The following EP400 variants were observed in gnomAD, a reference collection of about 807,000 sequenced individuals.
EP400 encodes the protein E1A-binding protein p400.
A neutral mutation model predicts 354.1 loss-of-function variants in EP400; 105 were observed. That is an observed-to-expected ratio of 0.30 (90% CI 0.25 to 0.35). EP400 has a LOEUF of 0.35. EP400 is among the 10% of genes least tolerant of loss of function. The pLI is 1.00. For synonymous variants in EP400, 1,646 were observed against 1,716.9 expected, an observed-to-expected ratio of 0.96 and a Z score of 1.02; for missense variants, 3,280 against 4,121.0, an observed-to-expected ratio of 0.80 and a Z score of 5.59.
chr12:132,064,415 T>C (rs1593385427), intron 47 of EP400, among the ~76,000 whole-genome samples: 1 of 152,372 alleles, frequency 6.6e-6, no homozygotes, highest in East Asian at 1.9e-4. Context: ...GTGAGGATAA[T>C]AGAATTCTTT....
chr12:131,978,585 C>T (rs1028208187), intron 2 of EP400, among the ~76,000 whole-genome samples: 2 of 152,078 alleles, frequency 1.3e-5, no homozygotes, highest in Non-Finnish European at 2.9e-5. Flanking sequence ...TGCAGTGGCA[C>T]AGTCCTAGAT....
Position 131,981,557 on chromosome 12 carries a change from G to A in EP400, c.1504G>A (p.Ala502Thr), listed in dbSNP as rs1421080400. 2.5e-6 allele frequency: 4 copies of A among 1,602,270 alleles called. No individual in the cohort carries two copies. Among genetic ancestry groups the A allele is most frequent in the East Asian group, 2.2e-5 (1 of 44,584 alleles). The change falls in exon 4 of 53, where the codon GCA becomes ACA. Residue 502 changes from alanine to threonine, a missense_variant. Physicochemically the swap from Ala to Thr is moderately conservative, Grantham distance 58. Around this residue, in one of 20 missense-constraint regions of EP400, gnomAD observed 800 missense variants for 840.0 expected, o/e 0.95. Coordinates refer to ENST00000389561, the MANE Select transcript of EP400 (RefSeq NM_015409.5). The part of the protein sequence containing the change: ...GVVFQHPGAD[A>T]GVPLQQLMPT... ...AGTTTTCCAGCACCCAGGGGCGGAC[G>A]CAGGCGTTCCTCTCCAGCAACTAAT...
intron 2 of EP400, among the ~76,000 whole-genome samples, chr12:131,978,365 T>C (rs1200170990): frequency 6.6e-6 from 1 of 152,230 alleles, no homozygotes; most frequent in East Asian, 1.9e-4. Flanking sequence ...TTCACCGCCC[T>C]AGAAATGTCC....
intron 1 of EP400, among the ~76,000 whole-genome samples, chr12:131,956,999 G>A (rs1272757899): frequency 6.7e-6 from 1 of 149,366 alleles, no homozygotes; most frequent in Non-Finnish European, 1.5e-5. Context: ...AGCCTCCCAA[G>A]TAGCTGGGAT....
At chr12:132,022,280 G>A (rs1894145118) in intron 23 of EP400, among the ~76,000 whole-genome samples, 2 of 152,212 alleles carry the variant, frequency 1.3e-5, no homozygotes, top group South Asian at 4.1e-4. Flanking sequence ...TGTGAAGTGA[G>A]CAAAACTGCT....
chr12:132,069,638 C>T lies in EP400; in HGVS notation c.9018C>T (p.Ile3006=), dbSNP rs1896010565. ...LAGAQQVQTQ[I]QVAKLPQVVQ... is the part of the protein sequence containing the mutation. ...GGGCCCAGCAAGTGCAGACCCAGAT[C>T]CAGGTGAGCGGGGAACAGGGTGAGG... is the stretch of plus-strand genomic sequence containing the variant. Residue 3006 remains isoleucine (I), a synonymous_variant, in exon 51 of 53, where the codon ATC becomes ATT. Transcript: ENST00000389561. The T allele has an allele frequency of 1.2e-6, 2 of 1,614,148 alleles. No individual in the cohort carries two copies. The highest frequency in any genetic ancestry group is 2.2e-5 in the South Asian group (2 of 91,080).
intron 2 of EP400, among the ~76,000 whole-genome samples, chr12:131,964,258 GGAATTCGA>G (rs1892000073): frequency 6.6e-6 from 1 of 152,306 alleles, no homozygotes; most frequent in South Asian, 2.1e-4. Context: ...CCTGAGGTCA[GGAATTCGA>G]GACCAGCCTA....
At chr12:132,008,347 G>C (rs1257744926) in intron 15 of EP400, among the ~76,000 whole-genome samples, 1 of 152,130 alleles carries the variant, frequency 6.6e-6, no homozygotes, top group African/African-American at 2.4e-5. Flanking sequence ...TGAAAAACTC[G>C]GTGCATCTCA....
In EP400 at chr12:132,070,138, T is replaced by C. The variant is rs923731489; in HGVS notation, c.9021+497T>C. On this transcript the variant is annotated intron_variant, in intron 51 of 52. Coordinates refer to ENST00000389561, the MANE Select transcript of EP400 (RefSeq NM_015409.5). The surrounding 1 kb of genome is among the most constrained non-coding windows in gnomAD (Gnocchi z 4.1). ...TTATGGAGTTACCTCCCTGCATCCT[T>C]CTCTAAGAGCGGGGGAGTGGTACCT... Among the ~76,000 whole-genome samples, 2 of 152,056 alleles carry C rather than the reference T, an allele frequency of 1.3e-5. No individual in the cohort carries two copies. The highest frequency in any genetic ancestry group is 2.4e-5 in the African/African-American group (1 of 41,388).
At chr12:132,071,673 TGGGTCGGG>T in intron 51 of EP400, among the ~76,000 whole-genome samples, 1 of 152,104 alleles carries the variant, frequency 6.6e-6, no homozygotes, top group Admixed American at 6.6e-5. Flanking sequence ...GTTGTGTGGG[TGGGTCGGG>T]GGTGTGGGGG....
intron 45 of EP400, among the ~76,000 whole-genome samples, chr12:132,055,815 CG>C (rs1895489936): frequency 6.6e-6 from 1 of 151,388 alleles, no homozygotes; most frequent in African/African-American, 2.4e-5. Context: ...AGGAGGTAGG[CG>C]GGATGTGAGG....
intron 2 of EP400, among the ~76,000 whole-genome samples, chr12:131,979,060 CA>C (rs1214558099): frequency 6.6e-6 from 1 of 151,594 alleles, no homozygotes; most frequent in African/African-American, 2.4e-5. Flanking sequence ...ACTAAAAATT[CA>C]AAAAAACTAG....
chr12:132,036,615 C>T (rs1216944900), intron 30 of EP400, among the ~76,000 whole-genome samples: 1 of 152,280 alleles, frequency 6.6e-6, no homozygotes, highest in East Asian at 1.9e-4. Flanking sequence ...CGTGCAGCAG[C>T]ACCTTCTTGT....
At position 132,062,424 on chromosome 12, in the gene EP400, C is replaced by T. The variant is rs756675009; in HGVS notation, c.8099-42C>T. 8 of 1,610,040 alleles carry T rather than the reference C, an allele frequency of 5.0e-6. No individual in the cohort carries two copies. The South Asian group carries it at 5.5e-5, about 11-fold the overall frequency. ...CTGAGAATGAGGATCTGAAGGTGGG[C>T]GAGTATCCCTGTCCAGACCTAATGA... is the stretch of plus-strand genomic sequence containing the variant. On this transcript the variant is annotated intron_variant, in intron 46 of 52. Transcript: ENST00000389561.
chr12:132,024,894 TC>T (rs1297908887), intron 24 of EP400, among the ~76,000 whole-genome samples: 1 of 151,610 alleles, frequency 6.6e-6, no homozygotes, highest in Non-Finnish European at 1.5e-5. Flanking sequence ...GCGACTGCCT[TC>T]CCCCAGTGCT....
rs544185142 is a variant in EP400 at position 132,067,498 on chromosome 12, A to G, written c.8874+12A>G. 355 of 1,610,232 alleles carry G rather than the reference A, an allele frequency of 2.2e-4. 2 individuals are homozygous for G. The South Asian group carries it at 3.7e-3, about 17-fold the overall frequency. ...CCGTCCAGCAGAAGGTACCGGGGCT[A>G]GGGGATTCTCACTTCTGGGTCTATG... On this transcript the variant is annotated intron_variant, in intron 50 of 52. Transcript: ENST00000389561. This position sits in a 1 kb window ranked among gnomAD's most constrained non-coding sequence, Gnocchi z 5.3.
chr12:132,058,609 C>A (rs1463200498), intron 45 of EP400, among the ~76,000 whole-genome samples: 1 of 152,018 alleles, frequency 6.6e-6, no homozygotes, highest in African/African-American at 2.4e-5. Flanking sequence ...CTCAGCCTCC[C>A]AAAGTGCTGG....
At chr12:131,965,843 AGTTT>A (rs1374718280) in intron 2 of EP400, among the ~76,000 whole-genome samples, 2 of 152,192 alleles carry the variant, frequency 1.3e-5, no homozygotes, top group East Asian at 3.9e-4. Flanking sequence ...AATGTGCCCC[AGTTT>A]GTTTATCCAT....
At position 132,078,605 on chromosome 12, in the gene EP400, G is replaced by A. The variant is rs1896306044; in HGVS notation, c.*932G>A. On this transcript the variant is annotated 3_prime_UTR_variant, in exon 53 of 53. Coordinates refer to ENST00000389561, the MANE Select transcript of EP400 (RefSeq NM_015409.5). ...ATGTCACAGCTGAGGGTACGATGAG[G>A]CCTGGGCTCAGTGAGCCAGGACGAA... 1 of 152,310 alleles carries A rather than the reference G, an allele frequency of 6.6e-6. No homozygotes were observed. 9.4% of individuals were successfully genotyped at this position (152,310 alleles called of 1,614,324 possible). A position where few individuals can be genotyped will look rare whatever the true frequency, so the allele number is the denominator to read the frequency against.
Sources: gnomAD v4.1 joint callset for allele counts (sites outside exome capture counted in the v4.1 genomes callset) on GRCh38, gnomAD v4.1.1 for gene constraint, gnomAD v4.1.1 regional missense constraint, Gnocchi (gnomAD v3.1) non-coding constraint, MANE v1.5 for transcripts, NCBI Gene and HGNC (gene_info 2026-07-23, HGNC 2026-07-21) for gene names.